PITRM1: variants seen among roughly 807,000 people sequenced by gnomAD.
The protein encoded by PITRM1 is presequence protease, mitochondrial.
A neutral mutation model predicts 129.9 loss-of-function variants in PITRM1; 100 were observed. The observed-to-expected ratio is 0.77, with a 90% confidence interval of 0.65 to 0.91. PITRM1 has a LOEUF of 0.91. PITRM1 is among the 40% of genes least tolerant of loss of function. PITRM1 has a pLI of 0.00. For synonymous variants in PITRM1, 591 were observed against 508.8 expected, an observed-to-expected ratio of 1.16 and a Z score of -2.17; for missense variants, 1,471 against 1,318.3, an observed-to-expected ratio of 1.12 and a Z score of -1.79.
chr10:3,155,325 C>A (rs1841884113), intron 14 of PITRM1, among the ~76,000 whole-genome samples: 1 of 152,236 alleles, frequency 6.6e-6, no homozygotes, highest in African/African-American at 2.4e-5. Flanking sequence ...CATATTACGG[C>A]ACCTGATAAA....
chr10:3,143,619 G>A (rs1399429454), intron 22 of PITRM1, 118 bp from the exon 23 acceptor site: 1 of 741,114 alleles, frequency 1.3e-6, no homozygotes, highest in African/African-American at 1.7e-5. Context: ...CCACGGCACT[G>A]GGACTGGAGC....
At chr10:3,168,713 C>T (rs1248852266) in intron 2 of PITRM1, among the ~76,000 whole-genome samples, 1 of 152,176 alleles carries the variant, frequency 6.6e-6, no homozygotes, top group African/African-American at 2.4e-5. Flanking sequence ...AGATGCCTTC[C>T]ACCACGATTG....
chr10:3,143,291 C>T, intron 23 of PITRM1, 98 bp downstream of exon 23: 1 of 750,964 alleles, frequency 1.3e-6, no homozygotes, highest in Non-Finnish European at 2.4e-6. Context: ...TCAGCACAGA[C>T]TTTTCCTGTG....
chr10:3,138,038 A>G lies in PITRM1; in HGVS notation c.3107T>C (p.Ile1036Thr). The G allele has an allele frequency of 6.2e-7, 1 of 1,602,098 alleles. No individual in the cohort carries two copies. Residue 1036 changes from isoleucine (I) to threonine (T), a missense_variant, in exon 27 of 27, where the codon ATC (isoleucine) becomes ACC (threonine). Transcript: ENST00000224949. ...GTCGAGCGCCACGGCTGCTCATTGG[A>G]TGATCCAGGATGGGTCCTTGGCAAT... is the stretch of plus-strand genomic sequence containing the variant. ...PKIAKDPSWI[I>T]Q
chr10:3,144,819 T>A (rs1840679329), intron 21 of PITRM1, among the ~76,000 whole-genome samples: 2 of 151,808 alleles, frequency 1.3e-5, no homozygotes, highest in African/African-American at 2.4e-5. Context: ...TAACAAAAAC[T>A]AAAAAAAGAA....
At position 3,155,624 on chromosome 10, in the gene PITRM1, A is replaced by G. The variant is rs1434488023; in HGVS notation, c.1588T>C (p.Ser530Pro). 6.2e-7 allele frequency: 1 copy of G among 1,613,776 alleles called. No homozygotes were observed. The change falls in exon 14 of 27, where the codon TCC becomes CCC. Residue 530 changes from serine to proline, a missense_variant. Physicochemically the swap from Ser to Pro is moderately conservative, Grantham distance 74. Coordinates refer to ENST00000224949, the MANE Select transcript of PITRM1 (RefSeq NM_014889.4). The stretch of plus-strand genomic sequence containing the variant: ...TAGATCTGCTGCCTGTCTCCGGGGG[A>G]CAGAGCCTCGACCTTCTGCTTGAGC... ...TKLKQKVEAL[S>P]PGDRQQIYEK...
rs978562655 is a variant in PITRM1, at chr10:3,138,256, T to C, written c.2999A>G (p.Lys1000Arg). 1.9e-6 allele frequency: 3 copies of C among 1,613,306 alleles called. No individual in the cohort carries two copies. Among genetic ancestry groups the C allele is most frequent in the Admixed American group, 1.7e-5 (1 of 60,006 alleles). The change falls in exon 26 of 27, where the codon AAG (lysine) becomes AGG (arginine). Residue 1000 changes from lysine to arginine, a missense_variant. Lys to Arg is a conservative substitution (Grantham distance 26, BLOSUM62 2). Coordinates refer to ENST00000224949, the MANE Select transcript of PITRM1 (RefSeq NM_014889.4). The part of the protein sequence containing the change: ...REQLFAVSHD[K>R]LLAVSDRYLG... ...TCACCTATCGCTCACGGCCAGGAGC[T>C]TGTCGTGGCTGACAGCAAAGAGCTG...
Position 3,165,327 on chromosome 10 carries a change from C to T in PITRM1, c.541G>A (p.Gly181Arg). Residue 181 changes from glycine (G) to arginine (R), a missense_variant, in exon 6 of 27, where the codon GGA (glycine) becomes AGA (arginine). By Grantham distance (125) the Gly-to-Arg change is moderately radical. Coordinates refer to ENST00000224949, the MANE Select transcript of PITRM1 (RefSeq NM_014889.4). ...GGATTCTCATGTTCCAGCCGCCATC[C>T]TTCCTGCCTGAGGACAAATCATTAT... is the stretch of plus-strand genomic sequence containing the variant. ...CLRELDFWQEGWRLEHENPSD... is the reference protein window; with the variant it reads ...CLRELDFWQERWRLEHENPSD... 1.9e-6 allele frequency: 3 copies of T among 1,592,592 alleles called. No individual in the cohort carries two copies. Among genetic ancestry groups the T allele is most frequent in the South Asian group, 2.3e-5 (2 of 87,238 alleles).
rs150826752 is a variant in PITRM1, at chr10:3,140,424, G to C, written c.2771+263C>G. ...ATGGAAGGCAAACCCACGGATGGAGGCACTACCGTGTTCTGCCAAAATATG... is the reference window on the plus strand; with the variant it reads ...ATGGAAGGCAAACCCACGGATGGAGCCACTACCGTGTTCTGCCAAAATATG... On this transcript the variant is annotated intron_variant, in intron 24 of 26. Transcript: ENST00000224949. Among the ~76,000 whole-genome samples the C allele has an allele frequency of 3.6e-3, 548 of 152,344 alleles. 3 individuals are homozygous for C. Among genetic ancestry groups the C allele is most frequent in the African/African-American group, 0.012 (509 of 41,580 alleles).
At chr10:3,166,802 T>C in intron 3 of PITRM1, 134 bp downstream of exon 3, 1 of 565,414 alleles carries the variant, frequency 1.8e-6, no homozygotes. Context: ...CAGCTGTCCT[T>C]AGTGTTAGTG....
chr10:3,145,554 C>A, intron 21 of PITRM1, 42 bp downstream of exon 21: 1 of 1,532,874 alleles, frequency 6.5e-7, no homozygotes, highest in Non-Finnish European at 8.8e-7. Flanking sequence ...TGCTCTGGCA[C>A]CCACCAGGCG....
At position 3,158,852 on chromosome 10, in the gene PITRM1, T is replaced by C. The variant is rs1468314304; in HGVS notation, c.1136+62A>G. The C allele has an allele frequency of 2.6e-6, 4 of 1,514,742 alleles. No individual in the cohort carries two copies. The Admixed American group carries it at 7.3e-5, about 28-fold the overall frequency. The allele number at this position is 1,514,742 out of a possible 1,614,324, so 93.8% of individuals were successfully genotyped here. On this transcript the variant is annotated intron_variant, in intron 10 of 26. Transcript: ENST00000224949. Reference sequence around the variant, plus strand: ...GTGGGGCCGGGACAGGGTGCGGAGGTGGAGGAGCAAAACTGCCCCCAACCA... The same window carrying C: ...GTGGGGCCGGGACAGGGTGCGGAGGCGGAGGAGCAAAACTGCCCCCAACCA...
chr10:3,153,611 T>C (rs543268207), intron 14 of PITRM1, among the ~76,000 whole-genome samples: 78 of 150,196 alleles, frequency 5.2e-4, no homozygotes, highest in African/African-American at 1.9e-3. Flanking sequence ...AAGGCGAGAC[T>C]CCGTCTCAAA....
intron 7 of PITRM1, among the ~76,000 whole-genome samples, chr10:3,160,821 C>T (rs565311813): frequency 1.3e-5 from 2 of 151,936 alleles, no homozygotes; most frequent in Admixed American, 6.6e-5. Context: ...AGTGCAATGG[C>T]ACAATCTCAG....
chr10:3,170,481 C>T (rs2093674769), intron 1 of PITRM1, among the ~76,000 whole-genome samples: 1 of 152,154 alleles, frequency 6.6e-6, no homozygotes, highest in South Asian at 2.1e-4. Context: ...TTAAATTCCC[C>T]TTGTTTAAGA....
At chr10:3,142,743 GC>G (rs1840382791) in intron 23 of PITRM1, among the ~76,000 whole-genome samples, 4 of 152,232 alleles carry the variant, frequency 2.6e-5, no homozygotes, top group Admixed American at 2.6e-4. Flanking sequence ...CCTTCCCTGA[GC>G]TTCTGACTTG....
At chr10:3,155,440 T>G (rs1310961150) in intron 14 of PITRM1, 151 bp downstream of exon 14, 3 of 874,788 alleles carry the variant, frequency 3.4e-6, no homozygotes, top group Non-Finnish European at 5.3e-6. Flanking sequence ...TGAGAATATC[T>G]GAACTCAATG....
chr10:3,156,385 G>A (rs1841986636), intron 13 of PITRM1, among the ~76,000 whole-genome samples: 1 of 152,192 alleles, frequency 6.6e-6, no homozygotes, highest in African/African-American at 2.4e-5. Flanking sequence ...AGAAACTGCA[G>A]GTCAAATTAT....
intron 16 of PITRM1, chr10:3,148,565 A>G (rs928899762): frequency 2.5e-6 from 1 of 400,676 alleles, no homozygotes; most frequent in African/African-American, 2.0e-5. Context: ...TCTGCACTTA[A>G]AACACCATTC....
Sources: allele counts gnomAD v4.1 joint callset (sites outside exome capture counted in the v4.1 genomes callset), GRCh38; gene constraint gnomAD v4.1.1; transcripts MANE v1.5; gene names NCBI Gene and HGNC (gene_info 2026-07-23, HGNC 2026-07-21).